Variants in PLAA observed in about 807,000 individuals in gnomAD.
PLAA encodes the protein phospholipase A2 activating protein, also known as phospholipase A-2-activating protein.
In PLAA, 48 loss-of-function variants were observed where a neutral mutation model predicts 84.1. The ratio of observed to expected loss-of-function variants is 0.57; its 90% confidence interval spans 0.45 to 0.73. PLAA has a LOEUF of 0.73. Ranked by LOEUF, PLAA falls within the 30% of genes least tolerant of loss-of-function variation. PLAA has a pLI of 0.00. For missense variants in PLAA, 903 were observed against 954.7 expected, an observed-to-expected ratio of 0.95 and a Z score of 0.71; for synonymous variants, 392 against 336.6, an observed-to-expected ratio of 1.16 and a Z score of -1.80.
intron 13 of PLAA, among the ~76,000 whole-genome samples, chr9:26,906,904 T>G (rs1043995101): frequency 1.6e-4 from 25 of 151,768 alleles, no homozygotes; most frequent in African/African-American, 5.6e-4. Flanking sequence ...AAAAGTAGTA[T>G]GCATCATCAT....
chr9:26,928,337 GCCAGA>G lies in PLAA; in HGVS notation c.410_414del (p.Val137AlafsTer3). 1 of 1,614,040 alleles carries G rather than the reference GCCAGA, an allele frequency of 6.2e-7. No individual in the cohort carries two copies. The highest frequency in any genetic ancestry group is 1.7e-5 in the Admixed American group (1 of 60,028). ...AAGGTCATCATGCACTTGTCATTCA[GCCAGA>G]CTTTAGCAGTGGTGTCCCATGAACC... On this transcript the variant is annotated frameshift_variant, in exon 3 of 14. Coordinates refer to ENST00000397292, the MANE Select transcript of PLAA (RefSeq NM_001031689.3). LOFTEE classifies it high-confidence loss of function.
intron 1 of PLAA, among the ~76,000 whole-genome samples, chr9:26,942,632 G>T (rs977032453): frequency 6.6e-6 from 1 of 152,192 alleles, no homozygotes; most frequent in East Asian, 1.9e-4. Context: ...CCTGTAATCC[G>T]AGCACTTTGG....
intron 1 of PLAA, among the ~76,000 whole-genome samples, chr9:26,938,648 A>G (rs1825434051): frequency 1.3e-5 from 2 of 152,128 alleles, no homozygotes; most frequent in African/African-American, 2.4e-5. Flanking sequence ...GCACAGTGAA[A>G]TGAAAACACA....
At chr9:26,946,461 C>T (rs961750128) in intron 1 of PLAA, among the ~76,000 whole-genome samples, 1 of 147,600 alleles carries the variant, frequency 6.8e-6, no homozygotes, top group African/African-American at 2.5e-5. Flanking sequence ...TTTTTGAGAA[C>T]TAAAGTCTTC....
chr9:26,933,788 CAA>C (rs199939902), intron 2 of PLAA, among the ~76,000 whole-genome samples: 2,167 of 89,006 alleles, frequency 0.024, 38 homozygotes, highest in African/African-American at 0.082. Context: ...GACTCTGCCT[CAA>C]AAAAAAAAAA....
chr9:26,905,489 T>TA lies in PLAA; in HGVS notation c.*21dup, dbSNP rs1383005459. The TA allele has an allele frequency of 1.3e-6, 2 of 1,510,640 alleles. No homozygotes were observed. Among genetic ancestry groups the TA allele is most frequent in the Non-Finnish European group, 1.8e-6 (2 of 1,109,250 alleles). The allele number at this position is 1,510,640 out of a possible 1,614,324, so 93.6% of individuals were successfully genotyped here. A position where few individuals can be genotyped will look rare whatever the true frequency, so the allele number is the denominator to read the frequency against. On this transcript the variant is annotated 3_prime_UTR_variant, in exon 14 of 14. Coordinates refer to ENST00000397292, the MANE Select transcript of PLAA (RefSeq NM_001031689.3). ...GAAAAAAACACTAATCAATTAAAAA[T>TA]ATCCGTCCCTCTTCCCCACTGCTAC...
At chr9:26,922,812 G>A (rs796573058) in intron 7 of PLAA, among the ~76,000 whole-genome samples, 19 of 151,900 alleles carry the variant, frequency 1.3e-4, no homozygotes, top group Admixed American at 6.6e-4. Context: ...GACTACAAGC[G>A]CATGCCATCA....
Position 26,938,554 on chromosome 9 carries a change from T to TAAA in PLAA, c.150-3351_150-3349dup, listed in dbSNP as rs34448526. On this transcript the variant is annotated intron_variant, in intron 1 of 13. Transcript: ENST00000397292. ...GCCAAAAGAGTAAGACACCATTTCT[T>TAAA]AAAAAAAAAAAAAAAAAAAAAAATG... Among the ~76,000 whole-genome samples, 100 of 114,604 alleles carry TAAA rather than the reference T, an allele frequency of 8.7e-4. 1 individual carries two copies. Among genetic ancestry groups the TAAA allele is most frequent in the African/African-American group, 2.8e-3 (85 of 30,146 alleles). 75.2% of individuals were successfully genotyped at this position (114,604 alleles called of 152,430 possible).
intron 1 of PLAA, among the ~76,000 whole-genome samples, chr9:26,937,689 G>A (rs915135911): frequency 2.0e-5 from 3 of 152,126 alleles, no homozygotes; most frequent in Non-Finnish European, 4.4e-5. Flanking sequence ...TGAAGTATCA[G>A]TAAAGAGGCA....
Position 26,910,432 on chromosome 9 carries a change from A to G in PLAA, c.1563T>C (p.Ser521=), listed in dbSNP as rs778312737. Residue 521 remains serine, a synonymous_variant, in exon 12 of 14, where the codon AGT becomes AGC. Transcript: ENST00000397292. ...TTTTAGATGCAGCTGATCGGTAGGC[A>G]CTATTCCCTATTTAAAGAATAGAAG... The part of the protein sequence containing the change: ...MAGVDPFTGN[S]AYRSAASKTM... The G allele has an allele frequency of 6.2e-7, 1 of 1,608,442 alleles. No homozygotes were observed. Among genetic ancestry groups the G allele is most frequent in the Non-Finnish European group, 8.5e-7 (1 of 1,175,284 alleles).
chr9:26,923,696 A>T (rs1824846742), intron 6 of PLAA, among the ~76,000 whole-genome samples: 1 of 152,194 alleles, frequency 6.6e-6, no homozygotes, highest in Admixed American at 6.5e-5. Context: ...TTAGTTTATA[A>T]AGGGCTCAAA....
At chr9:26,924,127 CT>C (rs1824863062) in intron 6 of PLAA, among the ~76,000 whole-genome samples, 1 of 152,028 alleles carries the variant, frequency 6.6e-6, no homozygotes, top group Admixed American at 6.6e-5. Flanking sequence ...CTGTCACCTT[CT>C]TTTTCTTCTC....
Position 26,907,975 on chromosome 9 carries a change from T to A in PLAA, c.1681A>T (p.Thr561Ser), listed in dbSNP as rs746527087. 3 of 1,589,410 alleles carry A rather than the reference T, an allele frequency of 1.9e-6. No individual in the cohort carries two copies. The African/African-American group carries it at 4.1e-5, about 22-fold the overall frequency. ...GTTAACTTCTTCTCTTCAGGTGCAG[T>A]TCCATTAAGTTCCTTCAGTTTACCT... ...ILGKLKELNG[T>S]APEEKKLTED... Residue 561 changes from threonine (T) to serine (S), a missense_variant, in exon 13 of 14, where the codon ACT becomes TCT. Transcript: ENST00000397292.
At chr9:26,913,784 G>A in intron 11 of PLAA, 95 bp downstream of exon 11, 1 of 866,704 alleles carries the variant, frequency 1.2e-6, no homozygotes, top group Non-Finnish European at 1.8e-6. Flanking sequence ...AAGTTCTCAA[G>A]CAAGAAAATG....
intron 13 of PLAA, among the ~76,000 whole-genome samples, chr9:26,906,816 T>C (rs1824252345): frequency 6.6e-6 from 1 of 152,024 alleles, no homozygotes; most frequent in African/African-American, 2.4e-5. Context: ...CCTGGGTAGA[T>C]GCCATCTGAA....
intron 9 of PLAA, among the ~76,000 whole-genome samples, chr9:26,918,385 C>T (rs892030240): frequency 6.6e-6 from 1 of 151,164 alleles, no homozygotes; most frequent in Admixed American, 6.6e-5. Flanking sequence ...GCCTTGGCCT[C>T]CCAAAGTGCT....
rs372889383 is a variant in PLAA, at chr9:26,925,977, T to G, written c.734-17A>C. The stretch of plus-strand genomic sequence containing the variant: ...TCACAAAGTCTAAAATTAATGAATA[T>G]AGGAAGTATTAGTTTGAATAAAATT... On this transcript the variant is annotated splice_polypyrimidine_tract_variant and intron_variant, in intron 5 of 13. Coordinates refer to ENST00000397292, the MANE Select transcript of PLAA (RefSeq NM_001031689.3). The G allele has an allele frequency of 6.3e-7, 1 of 1,597,460 alleles. No homozygotes were observed. Among genetic ancestry groups the G allele is most frequent in the Non-Finnish European group, 8.6e-7 (1 of 1,165,396 alleles).
chr9:26,920,114 A>C lies in PLAA; in HGVS notation c.1197+113T>G. 2.6e-6 allele frequency: 2 copies of C among 771,526 alleles called. 1 individual carries two copies. Among genetic ancestry groups the C allele is most frequent in the South Asian group, 4.1e-5 (2 of 48,864 alleles). The allele number at this position is 771,526 out of a possible 1,614,324, so 47.8% of individuals were successfully genotyped here. On this transcript the variant is annotated intron_variant, in intron 8 of 13. Transcript: ENST00000397292. ...AAAAAAAAGATTAGTTTCCCACAGT[A>C]ATGGATTTTTAAATGTCAAAACAAA...
intron 12 of PLAA, among the ~76,000 whole-genome samples, chr9:26,908,751 G>T (rs1824313614): frequency 6.6e-6 from 1 of 152,126 alleles, no homozygotes; most frequent in East Asian, 1.9e-4. Flanking sequence ...TGGCATTACA[G>T]GCATGAGCCA....
Sources: gnomAD v4.1 joint callset for allele counts (sites outside exome capture counted in the v4.1 genomes callset) on GRCh38, gnomAD v4.1.1 for gene constraint, MANE v1.5 for transcripts, NCBI Gene and HGNC (gene_info 2026-07-23, HGNC 2026-07-21) for gene names.